Variants in SH3GL1 observed in about 807,000 individuals in gnomAD.
SH3GL1 encodes the protein endophilin-A2.
A neutral mutation model predicts 48.8 loss-of-function variants in SH3GL1; 21 were observed. The ratio of observed to expected loss-of-function variants is 0.43; its 90% CI spans 0.30 to 0.62. SH3GL1 has a LOEUF of 0.62. Among genes scored for constraint, SH3GL1 ranks in the 20% least tolerant of loss-of-function variants. The pLI is 0.11. For synonymous variants in SH3GL1, 282 were observed against 217.5 expected (o/e 1.30, Z -2.61); for missense variants, 454 against 503.0 (o/e 0.90, Z 0.93).
intron 7 of SH3GL1, 68 bp from the exon 8 acceptor site, chr19:4,362,804 A>G (rs1459337638): frequency 1.2e-6 from 2 of 1,607,414 alleles, no homozygotes; most frequent in African/African-American, 2.7e-5. Context: ...TCTTGTATTT[A>G]TGCTGCTGCC....
At chr19:4,369,028 A>G (rs903966697) in intron 1 of SH3GL1, among the ~76,000 whole-genome samples, 1 of 152,098 alleles carries the variant, frequency 6.6e-6, no homozygotes, top group African/African-American at 2.4e-5. Context: ...GCAGAGATCC[A>G]GCCACTGCAC....
chr19:4,363,633 C>T (rs1008347818), intron 6 of SH3GL1, 87 bp downstream of exon 6: 50 of 1,562,746 alleles, frequency 3.2e-5, no homozygotes, highest in African/African-American at 1.4e-4. Context: ...AGGTAGGTGC[C>T]GATCTGTCCT....
chr19:4,388,657 A>C (rs375402305), intron 1 of SH3GL1, among the ~76,000 whole-genome samples: 1 of 152,180 alleles, frequency 6.6e-6, no homozygotes. Context: ...GGAGTGGTTT[A>C]GTTTGGGGAA....
intron 1 of SH3GL1, among the ~76,000 whole-genome samples, chr19:4,368,130 T>C (rs1042236996): frequency 6.6e-6 from 1 of 151,594 alleles, no homozygotes. Flanking sequence ...GGCAGGAGAG[T>C]GAGGTGTTGC....
intron 1 of SH3GL1, among the ~76,000 whole-genome samples, chr19:4,383,785 C>A (rs900114266): frequency 6.6e-6 from 1 of 152,114 alleles, no homozygotes; most frequent in Non-Finnish European, 1.5e-5. Context: ...AAATCCATGC[C>A]GGAACACAGC....
chr19:4,362,381 T>C lies in SH3GL1; in HGVS notation c.858A>G (p.Ser286=), dbSNP rs1484604938. The change falls in exon 9 of 10, where the codon TCA becomes TCG. Residue 286 remains serine (S), a synonymous_variant. Transcript: ENST00000269886. The part of the protein sequence containing the change: ...PCTTAPKIAA[S]SSFRSSDKPI... Reference sequence around the variant, plus strand: ...GCTTGTCGGAAGATCGGAAAGACGATGAAGCTAAACACAAGCAAAACGAGG... The same window carrying C: ...GCTTGTCGGAAGATCGGAAAGACGACGAAGCTAAACACAAGCAAAACGAGG... 6.2e-6 allele frequency: 10 copies of C among 1,611,402 alleles called. No individual in the cohort carries two copies. The highest frequency in any genetic ancestry group is 1.7e-4 in the Middle Eastern group (1 of 6,058).
chr19:4,384,387 A>T (rs1041370925), intron 1 of SH3GL1, among the ~76,000 whole-genome samples: 6 of 152,214 alleles, frequency 3.9e-5, no homozygotes, highest in Non-Finnish European at 8.8e-5. Context: ...ACGAGTGCGC[A>T]ACACACGATA....
At chr19:4,392,138 C>T (rs1426502477) in intron 1 of SH3GL1, among the ~76,000 whole-genome samples, 1 of 152,222 alleles carries the variant, frequency 6.6e-6, no homozygotes, top group Admixed American at 6.5e-5. Flanking sequence ...CCCTTACCAG[C>T]CCACACAAAA....
chr19:4,371,295 G>A (rs138548389), intron 1 of SH3GL1, among the ~76,000 whole-genome samples: 1 of 152,262 alleles, frequency 6.6e-6, no homozygotes. Flanking sequence ...GCTACCGTAG[G>A]CAGGAGAATC....
chr19:4,362,540 G>C (rs1212026297), intron 8 of SH3GL1, 72 bp downstream of exon 8: 5 of 1,605,074 alleles, frequency 3.1e-6, no homozygotes, highest in Non-Finnish European at 4.3e-6. Context: ...CAGAGACCCA[G>C]GACAGGGCCA....
chr19:4,399,251 C>T (rs564154924), intron 1 of SH3GL1, among the ~76,000 whole-genome samples: 46 of 129,840 alleles, frequency 3.5e-4, no homozygotes, highest in African/African-American at 1.1e-3. Context: ...ACACAGGAGG[C>T]GGAGCTTGCA....
intron 1 of SH3GL1, among the ~76,000 whole-genome samples, chr19:4,371,600 G>A (rs1274542132): frequency 1.3e-5 from 2 of 152,232 alleles, no homozygotes; most frequent in African/African-American, 4.8e-5. Flanking sequence ...GGGAGGGCAA[G>A]GGAGGGCTGC....
chr19:4,376,708 T>G lies in SH3GL1; in HGVS notation c.46-9714A>C, dbSNP rs939830455. ...CACTGAGCCTCCCTGGATCTTCCCA[T>G]GCTGGGTCTTAGCCACCAGGGCTCT... is the stretch of plus-strand genomic sequence containing the variant. On this transcript the variant is annotated intron_variant, in intron 1 of 9. Transcript: ENST00000269886. This position sits in a 1 kb window ranked among gnomAD's most constrained non-coding sequence, Gnocchi z 4.3. 2.0e-5 allele frequency among the ~76,000 whole-genome samples: 3 copies of G among 152,108 alleles called. No individual in the cohort carries two copies. Among genetic ancestry groups the G allele is most frequent in the Admixed American group, 2.0e-4 (3 of 15,280 alleles).
In SH3GL1 at chr19:4,361,056, G is replaced by C; in HGVS notation, c.*544C>G. ...CCCTGGCCTTGAGGAGAAGGAGTGCGTGTGTGAGGCGGGGGTGCATTGGCC... is the reference window on the plus strand; with the variant it reads ...CCCTGGCCTTGAGGAGAAGGAGTGCCTGTGTGAGGCGGGGGTGCATTGGCC... On this transcript the variant is annotated 3_prime_UTR_variant, in exon 10 of 10. Coordinates refer to ENST00000269886, the MANE Select transcript of SH3GL1 (RefSeq NM_003025.4). 4.2e-6 allele frequency: 1 copy of C among 235,562 alleles called. No homozygotes were observed. Among genetic ancestry groups the C allele is most frequent in the South Asian group, 1.7e-4 (1 of 5,856 alleles). 14.6% of individuals were successfully genotyped at this position (235,562 alleles called of 1,614,324 possible). A position where few individuals can be genotyped will look rare whatever the true frequency, so the allele number is the denominator to read the frequency against.
chr19:4,377,327 G>C (rs191860379), intron 1 of SH3GL1, among the ~76,000 whole-genome samples: 153 of 152,376 alleles, frequency 1.0e-3, no homozygotes, highest in African/African-American at 3.5e-3. Context: ...TGCCAGCAGG[G>C]AGGAGGGCAC....
chr19:4,362,525 G>C (rs916443974), intron 8 of SH3GL1, 87 bp downstream of exon 8: 24 of 1,594,500 alleles, frequency 1.5e-5, no homozygotes, highest in Admixed American at 1.7e-5. Flanking sequence ...CAGGAGTCTG[G>C]CGCTCAGAGA....
chr19:4,399,756 T>C (rs1273511420), intron 1 of SH3GL1, among the ~76,000 whole-genome samples: 2 of 152,178 alleles, frequency 1.3e-5, no homozygotes, highest in South Asian at 4.1e-4. Context: ...TATCACAGGG[T>C]ACGTGTTTTT....
chr19:4,377,631 C>T (rs573938942), intron 1 of SH3GL1, among the ~76,000 whole-genome samples: 28 of 152,364 alleles, frequency 1.8e-4, no homozygotes, highest in African/African-American at 6.5e-4. Context: ...GGGCCCTCTG[C>T]GAGCATTAGG....
chr19:4,385,376 G>A (rs1973217005), intron 1 of SH3GL1, among the ~76,000 whole-genome samples: 1 of 152,192 alleles, frequency 6.6e-6, no homozygotes, highest in African/African-American at 2.4e-5. Context: ...CCACATACTG[G>A]TGCCGACCAG....
Sources: gnomAD v4.1 joint callset for allele counts (sites outside exome capture counted in the v4.1 genomes callset) on GRCh38, gnomAD v4.1.1 for gene constraint, Gnocchi (gnomAD v3.1) non-coding constraint, MANE v1.5 for transcripts, NCBI Gene and HGNC (gene_info 2026-07-23, HGNC 2026-07-21) for gene names.